Variants in PTPRN2 observed in about 807,000 individuals in gnomAD.
PTPRN2 encodes protein tyrosine phosphatase receptor type N2, also known as receptor-type tyrosine-protein phosphatase N2.
PTPRN2 carries 74 observed loss-of-function variants against 118.8 expected under a neutral mutation model. That is an observed-to-expected ratio of 0.62 (90% confidence interval 0.52 to 0.76). The LOEUF is 0.76. PTPRN2 is among the 30% of genes least tolerant of loss of function. The pLI is 0.00. For synonymous variants in PTPRN2, 641 were observed against 608.0 expected (o/e 1.05, Z -0.80); for missense variants, 1,481 against 1,394.4 (o/e 1.06, Z -0.99).
chr7:158,188,474 G>C (rs34631862), intron 5 of PTPRN2, among the ~76,000 whole-genome samples: 59 of 4,320 alleles, frequency 0.014, 2 homozygotes, highest in South Asian at 0.04. Flanking sequence ...CACGCTCGCC[G>C]CCTGATGGGG....
chr7:158,556,225 TTAGA>T lies in PTPRN2; in HGVS notation c.112+31329_112+31332del, dbSNP rs370975547. 1.1e-3 allele frequency among the ~76,000 whole-genome samples: 173 copies of T among 152,108 alleles called. 1 individual carries two copies. The highest frequency in any genetic ancestry group is 3.8e-3 in the African/African-American group (158 of 41,488). ...TAGACGATTGACAGGTAAAGATAGA[TTAGA>T]TAGATAGATAGAGATGATTGATACG... On this transcript the variant is annotated intron_variant, in intron 1 of 22. Coordinates refer to ENST00000389418, the MANE Select transcript of PTPRN2 (RefSeq NM_002847.5).
intron 11 of PTPRN2, among the ~76,000 whole-genome samples, chr7:158,058,251 T>G (rs1199212555): frequency 2.0e-5 from 3 of 146,718 alleles, no homozygotes; most frequent in Non-Finnish European, 4.5e-5. Flanking sequence ...CTGCCCACGG[T>G]GACACATCAC....
chr7:157,810,159 A>G (rs1481341743), intron 12 of PTPRN2, among the ~76,000 whole-genome samples: 2 of 152,250 alleles, frequency 1.3e-5, no homozygotes, highest in Non-Finnish European at 2.9e-5. Flanking sequence ...CACGTGGAGA[A>G]CACTGCAGTT....
rs556137846 is a variant in PTPRN2 at position 158,084,814 on chromosome 7, A to G, written c.1644-3437T>C. 2.2e-5 allele frequency among the ~76,000 whole-genome samples: 3 copies of G among 135,188 alleles called. No homozygotes were observed. In the East Asian group the frequency reaches 6.8e-4, roughly 31 times the overall value. 88.7% of individuals were successfully genotyped at this position (135,188 alleles called of 152,430 possible). A position where few individuals can be genotyped will look rare whatever the true frequency, so the allele number is the denominator to read the frequency against. ...TGCCCATCCACACGGATGCCCATAC[A>G]CTCCTACAATGCCCATCCACACCCA... On this transcript the variant is annotated intron_variant, in intron 10 of 22. Coordinates refer to ENST00000389418, the MANE Select transcript of PTPRN2 (RefSeq NM_002847.5).
intron 3 of PTPRN2, among the ~76,000 whole-genome samples, chr7:158,239,090 C>A (rs1054797121): frequency 1.3e-5 from 2 of 152,314 alleles, no homozygotes; most frequent in South Asian, 2.1e-4. Context: ...GGTGCCACAG[C>A]CCCCATCACC....
intron 2 of PTPRN2, among the ~76,000 whole-genome samples, chr7:158,440,902 ACG>A (rs1816994029): frequency 1.5e-5 from 2 of 131,850 alleles, no homozygotes; most frequent in East Asian, 2.4e-4. Context: ...GGTGGTGGTG[ACG>A]GTGATGATGA....
chr7:158,180,017 A>C (rs940050060), intron 5 of PTPRN2, among the ~76,000 whole-genome samples: 10 of 152,280 alleles, frequency 6.6e-5, no homozygotes, highest in Non-Finnish European at 1.2e-4. Flanking sequence ...GAGCAGTCAC[A>C]GAGCTAAAAC....
Position 158,110,890 on chromosome 7 carries a change from G to A in PTPRN2, c.1582C>T (p.Arg528Trp), listed in dbSNP as rs141762019. Residue 528 changes from arginine to tryptophan, a missense_variant, in exon 10 of 23, where the codon CGG (arginine) becomes TGG (tryptophan). Physicochemically the swap from Arg to Trp is moderately radical, Grantham distance 101. This residue lies in a region of PTPRN2 where 1,115 missense variants were observed against 994.2 expected (regional missense o/e 1.12). Transcript: ENST00000389418. ...RDPLRPEEGR[R>W]LVEDVARLLQ... ...AGGCGGGCGACGTCCTCCACCAGCC[G>A]CCTTCCTTCCTCGGGGCGCAGGGGG... 5.4e-4 allele frequency: 848 copies of A among 1,579,982 alleles called. 1 individual carries two copies. The highest frequency in any genetic ancestry group is 6.2e-4 in the Admixed American group (35 of 56,352).
At chr7:157,616,614 G>C (rs1802789132) in intron 15 of PTPRN2, 1 of 152,146 alleles carries the variant, frequency 6.6e-6, no homozygotes, top group African/African-American at 2.4e-5. Context: ...GATCAAAAGG[G>C]GTGAAGGGAA....
At chr7:158,167,325 C>A in intron 5 of PTPRN2, 34 bp from the exon 6 acceptor site, 2 of 1,542,528 alleles carry the variant, frequency 1.3e-6, no homozygotes, top group Non-Finnish European at 1.7e-6. Context: ...GAGCAAGAGT[C>A]ACATTTCCAT....
intron 3 of PTPRN2, among the ~76,000 whole-genome samples, chr7:158,289,345 T>C (rs912889797): frequency 1.3e-5 from 2 of 152,196 alleles, no homozygotes; most frequent in Admixed American, 1.3e-4. Context: ...CCATAAGCTT[T>C]CTTCATTCCC....
intron 3 of PTPRN2, among the ~76,000 whole-genome samples, chr7:158,213,369 A>AT (rs542619424): frequency 6.6e-6 from 1 of 152,072 alleles, no homozygotes; most frequent in Admixed American, 6.6e-5. Flanking sequence ...GCAAATCTAG[A>AT]TTTTTTAAAT....
At chr7:158,221,578 A>G (rs1291265579) in intron 3 of PTPRN2, among the ~76,000 whole-genome samples, 1 of 152,188 alleles carries the variant, frequency 6.6e-6, no homozygotes, top group African/African-American at 2.4e-5. Flanking sequence ...AGGCCTCACA[A>G]TCATGATGGA....
At chr7:157,541,398 A>G (rs922115668) in intron 22 of PTPRN2, among the ~76,000 whole-genome samples, 16 of 152,202 alleles carry the variant, frequency 1.1e-4, no homozygotes, top group Non-Finnish European at 2.9e-5. Flanking sequence ...GGGCAGGCAC[A>G]CCTGAGGGGC....
chr7:158,270,280 A>T (rs1243072313), intron 3 of PTPRN2, among the ~76,000 whole-genome samples: 5 of 152,230 alleles, frequency 3.3e-5, no homozygotes, highest in African/African-American at 1.2e-4. Flanking sequence ...AGTCATGGCC[A>T]GAAGGCAGAA....
intron 1 of PTPRN2, among the ~76,000 whole-genome samples, chr7:158,497,631 G>A (rs1408546041): frequency 2.0e-5 from 3 of 152,212 alleles, no homozygotes; most frequent in Admixed American, 6.5e-5. Flanking sequence ...CCCATCCTGA[G>A]GACTGCACGG....
Position 158,110,434 on chromosome 7 carries a change from C to T in PTPRN2, c.1643+395G>A, listed in dbSNP as rs561904579. On this transcript the variant is annotated intron_variant, in intron 10 of 22. Coordinates refer to ENST00000389418, the MANE Select transcript of PTPRN2 (RefSeq NM_002847.5). The stretch of plus-strand genomic sequence containing the variant: ...CCAAAGCCAGGTCTCCGAAGGGCAG[C>T]GCATTTTCCTGACAGCCAGGGACAG... 5.9e-5 allele frequency among the ~76,000 whole-genome samples: 9 copies of T among 152,318 alleles called. 1 individual carries two copies. The East Asian group carries it at 7.7e-4, about 13-fold the overall frequency.
chr7:157,837,177 A>C (rs1261106757), intron 12 of PTPRN2, among the ~76,000 whole-genome samples: 11 of 58,752 alleles, frequency 1.9e-4, no homozygotes, highest in South Asian at 5.9e-4. Context: ...CCATCCACCC[A>C]CCCATCCACC....
chr7:157,767,460 T>G (rs1802551689), intron 12 of PTPRN2, among the ~76,000 whole-genome samples: 1 of 152,190 alleles, frequency 6.6e-6, no homozygotes, highest in Admixed American at 6.5e-5. Context: ...GGTGTTTGCC[T>G]TTGCGTACAA....
Sources: allele counts gnomAD v4.1 joint callset (sites outside exome capture counted in the v4.1 genomes callset), GRCh38; gene constraint gnomAD v4.1.1; regional missense constraint gnomAD v4.1.1; transcripts MANE v1.5; gene names NCBI Gene and HGNC (gene_info 2026-07-23, HGNC 2026-07-21).